Variants in SURF4 observed in about 807,000 individuals in gnomAD.
The protein encoded by SURF4 is surfeit 4.
A neutral mutation model predicts 30.0 loss-of-function variants in SURF4; 3 were observed. That is an observed-to-expected ratio of 0.10 (90% CI 0.05 to 0.26). The LOEUF is 0.26. SURF4 is among the 10% of genes least tolerant of loss of function. The pLI is 1.00. For missense variants in SURF4, 217 were observed against 350.8 expected (o/e 0.62, Z 3.05); for synonymous variants, 143 against 139.9 (o/e 1.02, Z -0.16).
intron 1 of SURF4, among the ~76,000 whole-genome samples, chr9:133,373,198 G>C (rs1402716346): frequency 1.3e-5 from 2 of 151,358 alleles, no homozygotes; most frequent in Admixed American, 1.3e-4. Context: ...CTAGGAGCCT[G>C]AGCAGGTTTG....
chr9:133,367,172 C>T lies in SURF4; in HGVS notation c.235+87G>A. 3 of 1,495,320 alleles carry T rather than the reference C, an allele frequency of 2.0e-6. No individual in the cohort carries two copies. In the South Asian group the frequency reaches 3.9e-5, roughly 19 times the overall value. The allele number at this position is 1,495,320 out of a possible 1,614,324, so 92.6% of individuals were successfully genotyped here. A position where few individuals can be genotyped will look rare whatever the true frequency, so the allele number is the denominator to read the frequency against. Reference sequence around the variant, plus strand: ...GGAGGGGGGACAGCAGTCCAGGAGACCCCCGAGTTCACACACAGCCTCCCA... The same window carrying T: ...GGAGGGGGGACAGCAGTCCAGGAGATCCCCGAGTTCACACACAGCCTCCCA... On this transcript the variant is annotated intron_variant, in intron 2 of 5. Coordinates refer to ENST00000371989, the MANE Select transcript of SURF4 (RefSeq NM_033161.4).
Position 133,365,147 on chromosome 9 carries a change from C to G in SURF4, c.357-121G>C. 3.2e-6 allele frequency: 3 copies of G among 936,388 alleles called. No homozygotes were observed. In the South Asian group the frequency reaches 5.4e-5, roughly 17 times the overall value. 58.0% of individuals were successfully genotyped at this position (936,388 alleles called of 1,614,324 possible). A position where few individuals can be genotyped will look rare whatever the true frequency, so the allele number is the denominator to read the frequency against. On this transcript the variant is annotated intron_variant, in intron 4 of 5. Coordinates refer to ENST00000371989, the MANE Select transcript of SURF4 (RefSeq NM_033161.4). The stretch of plus-strand genomic sequence containing the variant: ...AGGCCCTTACTTCCCTTTCTCCAAA[C>G]CCAGTGATCTGCCAAGCAGGACCAG...
Position 133,362,468 on chromosome 9 carries a change from T to C in SURF4, c.*1025A>G, listed in dbSNP as rs2130075315. On this transcript the variant is annotated 3_prime_UTR_variant, in exon 6 of 6. Coordinates refer to ENST00000371989, the MANE Select transcript of SURF4 (RefSeq NM_033161.4). ...GTGAGCGACAGCCTCAGGAAAGTGG[T>C]GTGTCGGGGCTGTCCACAGGGCGAG... 13 of 152,708 alleles carry C rather than the reference T, an allele frequency of 8.5e-5. No individual in the cohort carries two copies. The highest frequency in any genetic ancestry group is 1.5e-4 in the Non-Finnish European group (10 of 68,008). The allele number at this position is 152,708 out of a possible 1,614,324, so 9.5% of individuals were successfully genotyped here.
chr9:133,366,036 G>A lies in SURF4; in HGVS notation c.313-8C>T. 6.2e-7 allele frequency: 1 copy of A among 1,613,814 alleles called. No individual in the cohort carries two copies. Among genetic ancestry groups the A allele is most frequent in the East Asian group, 2.2e-5 (1 of 44,884 alleles). ...AATGCTGTAGGCAATCGTCTGAGGGGAAAGAAGAGAGAGATACTTGAGTCT... is the reference window on the plus strand; with the variant it reads ...AATGCTGTAGGCAATCGTCTGAGGGAAAAGAAGAGAGAGATACTTGAGTCT... On this transcript the variant is annotated splice_region_variant and splice_polypyrimidine_tract_variant and intron_variant, in intron 3 of 5. Coordinates refer to ENST00000371989, the MANE Select transcript of SURF4 (RefSeq NM_033161.4).
At chr9:133,369,169 A>G (rs1837358900) in intron 1 of SURF4, among the ~76,000 whole-genome samples, 1 of 152,186 alleles carries the variant, frequency 6.6e-6, no homozygotes, top group Admixed American at 6.5e-5. Flanking sequence ...CAGAGATTAC[A>G]AAGCCAGGTG....
intron 1 of SURF4, among the ~76,000 whole-genome samples, chr9:133,368,874 C>T (rs1837337410): frequency 6.6e-6 from 1 of 152,204 alleles, no homozygotes. Context: ...GTTGGGAAGC[C>T]AGAGTCTAAA....
intron 1 of SURF4, 136 bp downstream of exon 1, chr9:133,375,786 C>A (rs1272045761): frequency 7.7e-6 from 7 of 906,992 alleles, no homozygotes; most frequent in African/African-American, 3.5e-5. Context: ...AGGGCCCGGG[C>A]GGGGGGGTCC....
At chr9:133,373,923 AAAAAAAAAAAAAG>A (rs1433221065) in intron 1 of SURF4, among the ~76,000 whole-genome samples, 37 of 145,846 alleles carry the variant, frequency 2.5e-4, no homozygotes, top group Admixed American at 5.5e-4. Flanking sequence ...AAAAAAAAAA[AAAAAAAAAAAAAG>A]AAGAAGAAAA....
chr9:133,375,685 C>T (rs1206797118), intron 1 of SURF4, among the ~76,000 whole-genome samples: 3 of 152,084 alleles, frequency 2.0e-5, no homozygotes, highest in South Asian at 2.1e-4. Flanking sequence ...GCTAGCCAGG[C>T]AGGGCGCCGA....
In SURF4 at chr9:133,364,926, G is replaced by C. The variant is rs1179886341; in HGVS notation, c.457C>G (p.Pro153Ala). The stretch of plus-strand genomic sequence containing the variant: ...CCTCCGAGCTGCATGTACTGTTTGG[G>C]GGAGCTCTCACGCATGGTGGGGACG... ...AGVPTMRESS[P>A]KQYMQLGGRV... The change falls in exon 5 of 6, where the codon CCC becomes GCC. Residue 153 changes from proline to alanine, a missense_variant. Physicochemically the swap from Pro to Ala is conservative, Grantham distance 27 (BLOSUM62 -1). Transcript: ENST00000371989. 1 of 1,613,972 alleles carries C rather than the reference G, an allele frequency of 6.2e-7. No homozygotes were observed. The highest frequency in any genetic ancestry group is 8.5e-7 in the Non-Finnish European group (1 of 1,179,960).
At chr9:133,366,083 C>T in intron 3 of SURF4, 55 bp from the exon 4 acceptor site, 1 of 1,555,332 alleles carries the variant, frequency 6.4e-7, no homozygotes, top group Non-Finnish European at 8.9e-7. Context: ...AAGGCATTTC[C>T]ACAGACTTCA....
intron 1 of SURF4, among the ~76,000 whole-genome samples, chr9:133,371,494 A>G (rs1394019823): frequency 6.6e-6 from 1 of 152,244 alleles, no homozygotes. Flanking sequence ...CTGTGTGATC[A>G]AAATCCCAAC....
At chr9:133,376,383 C>T (rs1051083887), upstream of SURF4, 9 of 1,419,804 alleles carry the variant, frequency 6.3e-6, no homozygotes, top group East Asian at 6.0e-5. Flanking sequence ...TCGAGGGCGC[C>T]GTTCGGGCGG....
chr9:133,364,020 A>C (rs1048385469), intron 5 of SURF4: 2 of 691,804 alleles, frequency 2.9e-6, no homozygotes, highest in Admixed American at 4.3e-5. Flanking sequence ...ACCAAGATGA[A>C]TCTCTAATCC....
chr9:133,372,709 A>C (rs1837575724), intron 1 of SURF4: 1 of 880,092 alleles, frequency 1.1e-6, no homozygotes, highest in South Asian at 5.2e-5. Context: ...CTTCCATGGT[A>C]ATCCTCTATC....
chr9:133,372,512 G>A, intron 1 of SURF4: 1 of 820,808 alleles, frequency 1.2e-6, no homozygotes, highest in Non-Finnish European at 1.5e-6. Context: ...GTCTATCATG[G>A]ACCCGGCCCA....
intron 1 of SURF4, among the ~76,000 whole-genome samples, chr9:133,371,647 G>A (rs1215253229): frequency 6.6e-6 from 1 of 152,198 alleles, no homozygotes; most frequent in Non-Finnish European, 1.5e-5. Flanking sequence ...AAAGAAAAGT[G>A]AGTCAGCTCC....
At position 133,362,516 on chromosome 9, in the gene SURF4, T is replaced by C. The variant is rs192500515; in HGVS notation, c.*977A>G. On this transcript the variant is annotated 3_prime_UTR_variant, in exon 6 of 6. Coordinates refer to ENST00000371989, the MANE Select transcript of SURF4 (RefSeq NM_033161.4). ...GAGTGCAGCTGGGAAAGGGCGGTGC[T>C]GCTCAGCCAGGGCGGCCTGCGCTTT... 218 of 152,836 alleles carry C rather than the reference T, an allele frequency of 1.4e-3. 1 individual carries two copies. Among genetic ancestry groups the C allele is most frequent in the Non-Finnish European group, 2.5e-4 (17 of 68,084 alleles). The allele number at this position is 152,836 out of a possible 1,614,324, so 9.5% of individuals were successfully genotyped here.
chr9:133,375,344 G>A (rs2119187944), intron 1 of SURF4: 1 of 981,996 alleles, frequency 1.0e-6, no homozygotes, highest in African/African-American at 1.8e-5. Context: ...CAAACGGGGA[G>A]GGAGACGCAG....
Sources: allele counts gnomAD v4.1 joint callset (sites outside exome capture counted in the v4.1 genomes callset), GRCh38; gene constraint gnomAD v4.1.1; transcripts MANE v1.5; gene names NCBI Gene and HGNC (gene_info 2026-07-23, HGNC 2026-07-21).